ARHGAP39: variants seen among roughly 807,000 people sequenced by gnomAD.
The protein encoded by ARHGAP39 is Rho GTPase activating protein 39, also known as rho GTPase-activating protein 39.
ARHGAP39 carries 44 observed loss-of-function variants against 106.9 expected under a neutral mutation model. The observed-to-expected ratio is 0.41, with a 90% CI of 0.32 to 0.53. The LOEUF (loss-of-function observed/expected upper bound fraction) is 0.53, where lower values mean the gene tolerates loss of function less well. Among genes scored for constraint, ARHGAP39 ranks in the 20% least tolerant of loss-of-function variants. The probability of loss-of-function intolerance (pLI) is 0.21; values close to 1 mark genes in which losing one functional copy is unlikely to be tolerated. For synonymous variants in ARHGAP39, 768 were observed against 693.2 expected (o/e 1.11, Z -1.69); for missense variants, 1,496 against 1,577.3 (o/e 0.95, Z 0.87).
intron 8 of ARHGAP39, 47 bp from the exon 9 acceptor site, chr8:144,533,372 G>A: frequency 1.3e-6 from 2 of 1,577,304 alleles, no homozygotes; most frequent in Non-Finnish European, 1.7e-6. Context: ...CCATCCTCAG[G>A]ACCCCCCGCC....
rs868568893 is a variant in ARHGAP39 at position 144,634,875 on chromosome 8, C to T, written c.-81-29180G>A. 7.5e-4 allele frequency among the ~76,000 whole-genome samples: 113 copies of T among 151,620 alleles called. 1 individual carries two copies. Among genetic ancestry groups the T allele is most frequent in the African/African-American group, 2.2e-3 (91 of 41,248 alleles). On this transcript the variant is annotated intron_variant, in intron 1 of 11. Transcript: ENST00000377307. Reference sequence around the variant, plus strand: ...GGCCTCTGCAGGCGCAGTCTCCACTCGGCTCCCGGGAACTCCAGGCCCTGT... The same window carrying T: ...GGCCTCTGCAGGCGCAGTCTCCACTTGGCTCCCGGGAACTCCAGGCCCTGT...
In ARHGAP39 at chr8:144,641,170, C is replaced by CG. The variant is rs1413620017; in HGVS notation, c.-81-35476dup. ...ATCCACCTGTTCTGCCACAGGATCACGGGGGGAAAGACCACACCGGCTTCT... is the reference window on the plus strand; with the variant it reads ...ATCCACCTGTTCTGCCACAGGATCACGGGGGGGAAAGACCACACCGGCTTCT... On this transcript the variant is annotated intron_variant, in intron 1 of 11. Transcript: ENST00000377307. The surrounding 1 kb of genome is among the most constrained non-coding windows in gnomAD (Gnocchi z 5.2). 6.6e-6 allele frequency among the ~76,000 whole-genome samples: 1 copy of CG among 151,996 alleles called. No homozygotes were observed. The highest frequency in any genetic ancestry group is 1.5e-5 in the Non-Finnish European group (1 of 68,004).
At chr8:144,687,779 G>A (rs1378126203), upstream of ARHGAP39, among the ~76,000 whole-genome samples, 199 of 109,994 alleles carry the variant, frequency 1.8e-3, 7 homozygotes, top group African/African-American at 7.4e-3. Flanking sequence ...ACACACTGGC[G>A]GTGAGCACTT....
intron 2 of ARHGAP39, among the ~76,000 whole-genome samples, chr8:144,601,488 CTG>C (rs374332171): frequency 0.021 from 2,352 of 109,650 alleles, 126 homozygotes; most frequent in African/African-American, 0.086. Context: ...GCTCATGTAC[CTG>C]TGTGTGTGTG....
intron 6 of ARHGAP39, 145 bp downstream of exon 6, chr8:144,545,104 G>T: frequency 2.8e-6 from 2 of 702,912 alleles, no homozygotes; most frequent in Non-Finnish European, 4.1e-6. Flanking sequence ...GAGGCCCAGA[G>T]TGTGGGGCGT....
rs1395096094 is a variant in ARHGAP39 at position 144,646,139 on chromosome 8, G to GC, written c.-82+39546dup. On this transcript the variant is annotated intron_variant, in intron 1 of 11. Transcript: ENST00000377307. The surrounding 1 kb of genome is among the most constrained non-coding windows in gnomAD (Gnocchi z 5.7). Reference sequence around the variant, plus strand: ...GTCCGCCAGCAAGGACGGACACATCGCAAGCTTGGAGCCTGCTGGAGGAAG... The same window carrying GC: ...GTCCGCCAGCAAGGACGGACACATCGCCAAGCTTGGAGCCTGCTGGAGGAAG... 1.3e-4 allele frequency among the ~76,000 whole-genome samples: 20 copies of GC among 152,328 alleles called. No individual in the cohort carries two copies. The highest frequency in any genetic ancestry group is 4.8e-4 in the African/African-American group (20 of 41,574).
chr8:144,677,691 AC>A (rs1295585001), intron 1 of ARHGAP39, among the ~76,000 whole-genome samples: 1 of 152,138 alleles, frequency 6.6e-6, no homozygotes, highest in Non-Finnish European at 1.5e-5. Flanking sequence ...AAGGAAAAAA[AC>A]AGAATACATA....
chr8:144,598,582 C>T (rs896009047), intron 2 of ARHGAP39, among the ~76,000 whole-genome samples: 9 of 152,194 alleles, frequency 5.9e-5, no homozygotes, highest in East Asian at 5.8e-4. Context: ...ACAAATGGCA[C>T]GGGGACAGCC....
At chr8:144,698,890 G>T in the ARHGAP39 span, 6 of 455,748 alleles carry the variant, frequency 1.3e-5, no homozygotes, top group South Asian at 3.1e-5. Flanking sequence ...CCCTCCCTTG[G>T]GGGGGTTGGG....
At chr8:144,617,264 C>G (rs1049274354) in intron 1 of ARHGAP39, among the ~76,000 whole-genome samples, 1 of 152,016 alleles carries the variant, frequency 6.6e-6, no homozygotes, top group Admixed American at 6.6e-5. Context: ...AGAAGTCCTT[C>G]TGAATAAAGG....
upstream of ARHGAP39, among the ~76,000 whole-genome samples, chr8:144,686,562 C>T (rs1428810038): frequency 6.6e-6 from 1 of 152,166 alleles, no homozygotes; most frequent in African/African-American, 2.4e-5. Flanking sequence ...TGTGAGAAGC[C>T]GCAAAGGGCT....
rs980920579 is a variant in ARHGAP39 at position 144,529,356 on chromosome 8, A to T, written c.*1066T>A. On this transcript the variant is annotated 3_prime_UTR_variant, in exon 12 of 12. Coordinates refer to ENST00000377307, the MANE Select transcript of ARHGAP39 (RefSeq NM_025251.3). ...AATAAATAAAAACGGAACTCTAAAA[A>T]ATATATATATAAAAACTGGGGAGAA... is the stretch of plus-strand genomic sequence containing the variant. 10 of 154,138 alleles carry T rather than the reference A, an allele frequency of 6.5e-5. No individual in the cohort carries two copies. Among genetic ancestry groups the T allele is most frequent in the Admixed American group, 1.3e-4 (2 of 15,328 alleles). 9.5% of individuals were successfully genotyped at this position (154,138 alleles called of 1,614,324 possible). A position where few individuals can be genotyped will look rare whatever the true frequency, so the allele number is the denominator to read the frequency against.
intron 2 of ARHGAP39, among the ~76,000 whole-genome samples, chr8:144,598,512 G>A (rs1326506857): frequency 6.6e-6 from 1 of 152,224 alleles, no homozygotes; most frequent in Non-Finnish European, 1.5e-5. Flanking sequence ...TCCTTACAGA[G>A]CCCGGGGCAT....
chr8:144,613,544 A>G (rs1820549428), intron 1 of ARHGAP39, among the ~76,000 whole-genome samples: 1 of 150,086 alleles, frequency 6.7e-6, no homozygotes, highest in Admixed American at 6.6e-5. Context: ...TTGTCTTCGC[A>G]CTTGCATTGT....
At chr8:144,660,000 G>C (rs1002081925) in intron 1 of ARHGAP39, among the ~76,000 whole-genome samples, 1 of 152,098 alleles carries the variant, frequency 6.6e-6, no homozygotes, top group Non-Finnish European at 1.5e-5. Flanking sequence ...CATTCCTTGG[G>C]TGGTGTTCCC....
At position 144,591,771 on chromosome 8, in the gene ARHGAP39, G is replaced by A. The variant is rs1819409407; in HGVS notation, c.81-10494C>T. On this transcript the variant is annotated intron_variant, in intron 2 of 11. Transcript: ENST00000377307. This position sits in a 1 kb window ranked among gnomAD's most constrained non-coding sequence, Gnocchi z 5.3. ...CACATGGACGCAGGTCAAACGCGGT[G>A]AGCAGTGAGGTGCCCTCGGCAACAG... 6.6e-6 allele frequency among the ~76,000 whole-genome samples: 1 copy of A among 152,226 alleles called. No homozygotes were observed. Among genetic ancestry groups the A allele is most frequent in the Non-Finnish European group, 1.5e-5 (1 of 68,038 alleles).
the ARHGAP39 span, among the ~76,000 whole-genome samples, chr8:144,692,126 C>T: frequency 2.0e-5 from 3 of 152,130 alleles, no homozygotes; most frequent in African/African-American, 4.8e-5. Flanking sequence ...TGTTCTCTCC[C>T]CACAGCCTTT....
At chr8:144,667,975 G>A (rs903633948) in intron 1 of ARHGAP39, among the ~76,000 whole-genome samples, 1 of 151,776 alleles carries the variant, frequency 6.6e-6, no homozygotes, top group Non-Finnish European at 1.5e-5. Context: ...ACCATTGGGC[G>A]AGCTGAAAAT....
chr8:144,699,145 G>A, the ARHGAP39 span: 1 of 285,788 alleles, frequency 3.5e-6, no homozygotes, highest in Admixed American at 4.9e-5. Context: ...GGGACTGTAA[G>A]CCCTGGGAGA....
Sources: gnomAD v4.1 joint callset for allele counts (sites outside exome capture counted in the v4.1 genomes callset) on GRCh38, gnomAD v4.1.1 for gene constraint, Gnocchi (gnomAD v3.1) non-coding constraint, MANE v1.5 for transcripts, NCBI Gene and HGNC (gene_info 2026-07-23, HGNC 2026-07-21) for gene names.